The following RANBP2 variants were observed in gnomAD, a reference collection of about 807,000 sequenced individuals.
The protein encoded by RANBP2 is RAN binding protein 2.
In RANBP2, 57 loss-of-function variants were observed where a neutral mutation model predicts 303.6. The observed-to-expected ratio is 0.19, with a 90% CI of 0.15 to 0.23. The LOEUF (loss-of-function observed/expected upper bound fraction) is 0.23. RANBP2 is among the 10% of genes least tolerant of loss of function. The pLI, the probability that RANBP2 is intolerant of heterozygous loss-of-function variation, is 1.00. For missense variants in RANBP2, 3,138 were observed against 3,780.8 expected, an observed-to-expected ratio of 0.83 and a Z score of 4.46; for synonymous variants, 1,167 against 1,301.5, an observed-to-expected ratio of 0.90 and a Z score of 2.23.
the RANBP2 span, among the ~76,000 whole-genome samples, chr2:109,125,696 A>G: frequency 6.6e-6 from 1 of 152,272 alleles, no homozygotes; most frequent in Admixed American, 6.5e-5. Context: ...GTCAACTGAA[A>G]TCCCCAGATC....
the RANBP2 span, among the ~76,000 whole-genome samples, chr2:109,072,057 G>A: frequency 3.3e-5 from 5 of 152,210 alleles, 1 homozygote; most frequent in South Asian, 1.0e-3. Flanking sequence ...AGGATGAGCT[G>A]CCTCTAGTGT....
intron 8 of RANBP2, among the ~76,000 whole-genome samples, chr2:108,747,499 C>T (rs577237006): frequency 6.6e-5 from 10 of 152,342 alleles, no homozygotes; most frequent in African/African-American, 1.7e-4. Context: ...TTGGCCAGAG[C>T]TCACATTGCT....
At chr2:109,246,251 C>G in the RANBP2 span, among the ~76,000 whole-genome samples, 2 of 152,204 alleles carry the variant, frequency 1.3e-5, no homozygotes, top group African/African-American at 4.8e-5. Context: ...TCCCACAGTT[C>G]TAGACGCTGG....
the RANBP2 span, among the ~76,000 whole-genome samples, chr2:108,802,172 A>T: frequency 1.8e-4 from 25 of 140,318 alleles, no homozygotes; most frequent in African/African-American, 6.5e-4. Flanking sequence ...GAAGAAAGTC[A>T]TTGGTAGCTT....
chr2:109,397,734 C>T, the RANBP2 span, among the ~76,000 whole-genome samples: 1 of 152,308 alleles, frequency 6.6e-6, no homozygotes, highest in East Asian at 1.9e-4. Context: ...GGCTGCCCCT[C>T]CCAGCCCCTC....
At chr2:108,732,302 C>G (rs1336853617) in intron 4 of RANBP2, among the ~76,000 whole-genome samples, 2 of 152,040 alleles carry the variant, frequency 1.3e-5, no homozygotes, top group Non-Finnish European at 2.9e-5. Context: ...AATGCTTATA[C>G]AGGTTGAGCA....
At chr2:109,687,740 G>C in the RANBP2 span, among the ~76,000 whole-genome samples, 1 of 139,296 alleles carries the variant, frequency 7.2e-6, no homozygotes, top group Non-Finnish European at 1.6e-5. Flanking sequence ...CAGGTCAGGG[G>C]ATTTTTTTTT....
the RANBP2 span, among the ~76,000 whole-genome samples, chr2:109,652,398 AT>A: frequency 6.6e-6 from 1 of 151,216 alleles, no homozygotes; most frequent in Non-Finnish European, 1.5e-5. Context: ...AATTTTTTGT[AT>A]TTTTTTTAGT....
chr2:108,812,544 A>G, the RANBP2 span: 1 of 941,894 alleles, frequency 1.1e-6, no homozygotes, highest in Non-Finnish European at 1.7e-6. Flanking sequence ...AGTAATATCA[A>G]CCAGATTAGA....
the RANBP2 span, among the ~76,000 whole-genome samples, chr2:108,829,373 T>G: frequency 1.5e-4 from 23 of 152,062 alleles, no homozygotes. Flanking sequence ...GCCCCTAAGC[T>G]CATAAAAAGA....
the RANBP2 span, among the ~76,000 whole-genome samples, chr2:109,723,515 T>A: frequency 9.2e-5 from 14 of 152,230 alleles, no homozygotes; most frequent in African/African-American, 3.1e-4. Context: ...ATTTCTATAA[T>A]GATCAGTGAT....
the RANBP2 span, among the ~76,000 whole-genome samples, chr2:109,026,561 C>T: frequency 1.3e-5 from 2 of 152,158 alleles, no homozygotes; most frequent in Admixed American, 6.5e-5. Context: ...GCTCCCAGCT[C>T]TAAGGTGAGG....
chr2:108,993,143 G>A, the RANBP2 span, among the ~76,000 whole-genome samples: 1 of 152,228 alleles, frequency 6.6e-6, no homozygotes, highest in Non-Finnish European at 1.5e-5. Context: ...GGGGGTAAGG[G>A]GGTGTGAGGG....
chr2:109,058,957 T>C, the RANBP2 span, among the ~76,000 whole-genome samples: 3 of 151,938 alleles, frequency 2.0e-5, no homozygotes, highest in Non-Finnish European at 4.4e-5. Flanking sequence ...CTCACACAAG[T>C]GAAGTGGCGG....
At chr2:109,127,854 T>C in the RANBP2 span, 2 of 152,240 alleles carry the variant, frequency 1.3e-5, no homozygotes, top group East Asian at 1.9e-4. Flanking sequence ...TCTAAAGCTA[T>C]GGAAGTAAAT....
the RANBP2 span, among the ~76,000 whole-genome samples, chr2:109,671,367 A>T: frequency 2.0e-5 from 3 of 152,096 alleles, no homozygotes; most frequent in Non-Finnish European, 4.4e-5. Context: ...ATTGAGGGTG[A>T]CAGCAGTGGT....
At chr2:109,480,734 TCTC>T in the RANBP2 span, among the ~76,000 whole-genome samples, 1 of 152,190 alleles carries the variant, frequency 6.6e-6, no homozygotes, top group Admixed American at 6.5e-5. Flanking sequence ...ATTCCCCTCC[TCTC>T]CTCCTGGATC....
the RANBP2 span, among the ~76,000 whole-genome samples, chr2:109,517,385 C>T: frequency 2.6e-5 from 4 of 152,314 alleles, no homozygotes; most frequent in South Asian, 6.2e-4. Context: ...ATGTGTCAAC[C>T]TGAGGCTTGC....
chr2:109,339,831 C>A, the RANBP2 span, among the ~76,000 whole-genome samples: 1 of 152,174 alleles, frequency 6.6e-6, no homozygotes, highest in African/African-American at 2.4e-5. Context: ...TCTGGACCCT[C>A]CTGGCCCAAC....
Sources: gnomAD v4.1 joint callset for allele counts (sites outside exome capture counted in the v4.1 genomes callset) on GRCh38, gnomAD v4.1.1 for gene constraint, MANE v1.5 for transcripts, NCBI Gene and HGNC (gene_info 2026-07-23, HGNC 2026-07-21) for gene names.